Variants in ARK2C observed in about 807,000 individuals in gnomAD.
ARK2C encodes the protein E3 ubiquitin-protein ligase ARK2C.
chr18:46,353,436 C>T, the ARK2C span, among the ~76,000 whole-genome samples: 1 of 152,288 alleles, frequency 6.6e-6, no homozygotes, highest in Admixed American at 6.5e-5. Context: ...TCTGTGACCT[C>T]TTGACAGGGT....
the ARK2C span, among the ~76,000 whole-genome samples, chr18:46,413,407 A>C: frequency 6.6e-6 from 1 of 151,980 alleles, no homozygotes. Context: ...CTTGAGCTTT[A>C]TAGTCAGTTC....
At chr18:46,451,208 G>C in the ARK2C span, among the ~76,000 whole-genome samples, 3 of 152,254 alleles carry the variant, frequency 2.0e-5, no homozygotes, top group Admixed American at 6.5e-5. Flanking sequence ...GAACAAATGG[G>C]AAAGCAAGGC....
chr18:46,452,073 G>C, the ARK2C span, among the ~76,000 whole-genome samples: 1 of 152,102 alleles, frequency 6.6e-6, no homozygotes, highest in African/African-American at 2.4e-5. Flanking sequence ...TCTAACGGTG[G>C]ATACATGACA....
the ARK2C span, among the ~76,000 whole-genome samples, chr18:46,453,917 A>C: frequency 6.6e-6 from 1 of 151,830 alleles, no homozygotes; most frequent in African/African-American, 2.4e-5. Flanking sequence ...GTTTGAGACC[A>C]GCCTGGCCAT....
the ARK2C span, among the ~76,000 whole-genome samples, chr18:46,341,796 C>T: frequency 3.9e-5 from 6 of 152,298 alleles, no homozygotes; most frequent in South Asian, 4.1e-4. Flanking sequence ...GAACTCCTCC[C>T]GGAGTTGTAC....
the ARK2C span, among the ~76,000 whole-genome samples, chr18:46,438,808 G>A: frequency 4.1e-3 from 629 of 152,310 alleles, 5 homozygotes; most frequent in African/African-American, 0.014. Flanking sequence ...CCAGGGATTC[G>A]GGCTGATAAT....
the ARK2C span, among the ~76,000 whole-genome samples, chr18:46,354,393 C>A: frequency 6.6e-6 from 1 of 152,330 alleles, no homozygotes; most frequent in African/African-American, 2.4e-5. Flanking sequence ...CACACTCAGG[C>A]TGTAATGATG....
the ARK2C span, chr18:46,450,670 C>G: frequency 6.5e-7 from 1 of 1,530,110 alleles, no homozygotes; most frequent in Non-Finnish European, 9.1e-7. Context: ...TTTATACATG[C>G]TGAGCACACA....
chr18:46,374,829 G>A, the ARK2C span, among the ~76,000 whole-genome samples: 2 of 152,190 alleles, frequency 1.3e-5, no homozygotes, highest in Non-Finnish European at 2.9e-5. Context: ...CCTGGGGATG[G>A]AAAGTGCCTG....
At chr18:46,438,529 T>A in the ARK2C span, among the ~76,000 whole-genome samples, 2 of 152,214 alleles carry the variant, frequency 1.3e-5, no homozygotes, top group African/African-American at 4.8e-5. Flanking sequence ...GTTTTGAATT[T>A]GTTAGGCTCC....
the ARK2C span, among the ~76,000 whole-genome samples, chr18:46,399,237 TG>T: frequency 6.6e-6 from 1 of 151,746 alleles, no homozygotes; most frequent in Non-Finnish European, 1.5e-5. Flanking sequence ...GCGGTGGGGG[TG>T]GGACTGGTAC....
chr18:46,430,511 T>A, the ARK2C span, among the ~76,000 whole-genome samples: 1 of 152,196 alleles, frequency 6.6e-6, no homozygotes, highest in Admixed American at 6.5e-5. Flanking sequence ...GACTTTCAGT[T>A]CTAGGAAACA....
At chr18:46,402,284 C>T in the ARK2C span, among the ~76,000 whole-genome samples, 1 of 152,130 alleles carries the variant, frequency 6.6e-6, no homozygotes, top group African/African-American at 2.4e-5. Flanking sequence ...GTGCTAGAAT[C>T]TGTTAAAAAC....
chr18:46,462,085 C>G, the ARK2C span: 1 of 152,342 alleles, frequency 6.6e-6, no homozygotes, highest in Non-Finnish European at 1.5e-5. Flanking sequence ...GCGTCTCCCT[C>G]TGCCTTTGCT....
chr18:46,462,852 C>A, the ARK2C span: 1 of 152,260 alleles, frequency 6.6e-6, no homozygotes, highest in Non-Finnish European at 1.5e-5. Flanking sequence ...CACCAGCCCT[C>A]GAGGGGGTAA....
the ARK2C span, among the ~76,000 whole-genome samples, chr18:46,424,753 A>T: frequency 3.3e-5 from 5 of 152,204 alleles, no homozygotes; most frequent in African/African-American, 1.2e-4. Flanking sequence ...GGCCTGGAGA[A>T]GTCCATGGGG....
chr18:46,434,664 C>T, the ARK2C span, among the ~76,000 whole-genome samples: 6 of 152,282 alleles, frequency 3.9e-5, no homozygotes, highest in Admixed American at 6.5e-5. Flanking sequence ...CAAGGATGCT[C>T]GGAGCACACT....
the ARK2C span, among the ~76,000 whole-genome samples, chr18:46,340,105 C>T: frequency 3.9e-5 from 6 of 152,218 alleles, no homozygotes; most frequent in African/African-American, 1.4e-4. Flanking sequence ...ATCTGCAAGA[C>T]ACTTGTGCCT....
At chr18:46,442,597 A>G in the ARK2C span, among the ~76,000 whole-genome samples, 6 of 152,168 alleles carry the variant, frequency 3.9e-5, no homozygotes, top group African/African-American at 1.4e-4. Context: ...TAAATGTTCT[A>G]TAAGTATTTT....
Sources: gnomAD v4.1 joint callset for allele counts (sites outside exome capture counted in the v4.1 genomes callset) on GRCh38, gnomAD v4.1.1 for gene constraint, MANE v1.5 for transcripts, NCBI Gene and HGNC (gene_info 2026-07-23, HGNC 2026-07-21) for gene names.